GNG2: variants seen among roughly 807,000 people sequenced by gnomAD.
GNG2 encodes the protein G protein subunit gamma 2, also known as guanine nucleotide-binding protein G(I)/G(S)/G(O) subunit gamma-2.
A neutral mutation model predicts 5.5 loss-of-function variants in GNG2; 5 were observed. The ratio of observed to expected loss-of-function variants is 0.91; its 90% confidence interval spans 0.48 to 1.92. The LOEUF is 1.92. GNG2 is among the 30% of genes most tolerant of loss of function. The pLI is 0.01. For synonymous variants in GNG2, 28 were observed against 32.0 expected (o/e 0.88, Z 0.42); for missense variants, 55 against 88.4 (o/e 0.62, Z 1.52).
At chr14:51,904,568 G>C (rs576160319) in intron 2 of GNG2, among the ~76,000 whole-genome samples, 4 of 149,620 alleles carry the variant, frequency 2.7e-5, no homozygotes, top group Non-Finnish European at 5.9e-5. Flanking sequence ...TCTGTGCAGG[G>C]GCCTGGGCTT....
intron 3 of GNG2, among the ~76,000 whole-genome samples, chr14:51,953,769 T>G (rs1051472897): frequency 3.3e-5 from 5 of 152,206 alleles, no homozygotes; most frequent in African/African-American, 1.2e-4. Flanking sequence ...TTATCTGCCT[T>G]TAGAAGTCTT....
chr14:51,864,956 C>T (rs542135673), intron 1 of GNG2, among the ~76,000 whole-genome samples: 50 of 152,146 alleles, frequency 3.3e-4, no homozygotes, highest in Admixed American at 1.0e-3. Context: ...TCCTTTTCCA[C>T]GACAGATTTT....
chr14:51,873,447 A>G (rs1260421310), intron 1 of GNG2, among the ~76,000 whole-genome samples: 1 of 152,258 alleles, frequency 6.6e-6, no homozygotes, highest in Non-Finnish European at 1.5e-5. Context: ...CAATTTGCCT[A>G]CTGCAGGAGA....
chr14:51,893,277 A>G (rs571711986), intron 2 of GNG2, among the ~76,000 whole-genome samples: 1 of 152,340 alleles, frequency 6.6e-6, no homozygotes, highest in Admixed American at 6.5e-5. Flanking sequence ...ATCACTGGAA[A>G]TTACCACTCT....
rs1886453557 is a variant in GNG2 at position 51,914,017 on chromosome 14, T to G, written c.-30+36360T>G. 3.1e-5 allele frequency: 16 copies of G among 512,278 alleles called. No individual in the cohort carries two copies. In the South Asian group the frequency reaches 4.5e-4, roughly 14 times the overall value. The allele number at this position is 512,278 out of a possible 1,614,324, so 31.7% of individuals were successfully genotyped here. ...CTAAAATTTTATCTGTAGGTAAGAA[T>G]TTCCATGTGTGCTTAAAACTGGGAG... On this transcript the variant is annotated intron_variant, in intron 2 of 3. Coordinates refer to ENST00000556766, the MANE Select transcript of GNG2 (RefSeq NM_053064.5).
chr14:51,853,191 T>C (rs2140090062), intron 2 of GNG2, among the ~76,000 whole-genome samples: 3 of 152,350 alleles, frequency 2.0e-5, no homozygotes, highest in Middle Eastern at 6.8e-3. Flanking sequence ...TAATTGTTTA[T>C]ATTCAGTTAA....
At position 51,951,976 on chromosome 14, in the gene GNG2, C is replaced by T. The variant is rs1889003594; in HGVS notation, c.87+1211C>T. 4 of 684,298 alleles carry T rather than the reference C, an allele frequency of 5.8e-6. No homozygotes were observed. In the South Asian group the frequency reaches 6.2e-5, roughly 11 times the overall value. The allele number at this position is 684,298 out of a possible 1,614,324, so 42.4% of individuals were successfully genotyped here. A position where few individuals can be genotyped will look rare whatever the true frequency, so the allele number is the denominator to read the frequency against. On this transcript the variant is annotated intron_variant, in intron 3 of 3. Coordinates refer to ENST00000556766, the MANE Select transcript of GNG2 (RefSeq NM_053064.5). ...GAGAGCTCTATAAAAGGACCAATTA[C>T]CGAACCACACCCAAACCAATTAAAT... is the stretch of plus-strand genomic sequence containing the variant.
At chr14:51,962,630 G>T (rs1233660723) in intron 3 of GNG2, among the ~76,000 whole-genome samples, 4 of 152,140 alleles carry the variant, frequency 2.6e-5, no homozygotes, top group Admixed American at 2.0e-4. Flanking sequence ...ATGAACTGGG[G>T]TAGCTGCAAT....
chr14:51,915,445 A>G (rs891946657), intron 2 of GNG2, among the ~76,000 whole-genome samples: 1 of 152,252 alleles, frequency 6.6e-6, no homozygotes, highest in Non-Finnish European at 1.5e-5. Flanking sequence ...AAATGAATTC[A>G]CAAAAGACAC....
chr14:51,959,342 A>G (rs1444816540), intron 3 of GNG2, among the ~76,000 whole-genome samples: 2 of 152,134 alleles, frequency 1.3e-5, no homozygotes. Flanking sequence ...CTTCACCCCC[A>G]AAAGTCTGTT....
At position 51,852,901 on chromosome 14, in the gene GNG2, T is replaced by A. The variant is rs181233754; in HGVS notation, c.64+25094T>A. On this transcript the variant is annotated intron_variant, in intron 2 of 3. Transcript: ENST00000553432. Reference sequence around the variant, plus strand: ...AGAGCTTTCTACATATAGTGGGACTTCATTATCATCTAAGTCAAGAACAGA... The same window carrying A: ...AGAGCTTTCTACATATAGTGGGACTACATTATCATCTAAGTCAAGAACAGA... 2.3e-3 allele frequency among the ~76,000 whole-genome samples: 345 copies of A among 152,368 alleles called. 2 individuals are homozygous for A. Among genetic ancestry groups the A allele is most frequent in the African/African-American group, 7.9e-3 (329 of 41,588 alleles).
chr14:51,937,335 G>T (rs1448040485), intron 2 of GNG2, among the ~76,000 whole-genome samples: 1 of 152,132 alleles, frequency 6.6e-6, no homozygotes, highest in East Asian at 1.9e-4. Context: ...AATGGAGCAG[G>T]ATGGTAAATC....
intron 3 of GNG2, among the ~76,000 whole-genome samples, chr14:51,963,801 C>T (rs899492659): frequency 2.0e-5 from 3 of 152,078 alleles, no homozygotes; most frequent in African/African-American, 4.8e-5. Flanking sequence ...ATAATTCTTA[C>T]CTCAGGATTA....
chr14:51,882,728 G>A (rs1884171233), intron 2 of GNG2, among the ~76,000 whole-genome samples: 1 of 152,150 alleles, frequency 6.6e-6, no homozygotes, highest in Non-Finnish European at 1.5e-5. Flanking sequence ...GCCTATAGTA[G>A]CAGACTGCAA....
intron 2 of GNG2, among the ~76,000 whole-genome samples, chr14:51,934,357 C>T (rs1481453747): frequency 6.6e-6 from 1 of 152,172 alleles, no homozygotes; most frequent in Non-Finnish European, 1.5e-5. Context: ...TCGAGCTTTT[C>T]TGCATATTCA....
chr14:51,866,850 C>T (rs1035060080), intron 1 of GNG2, among the ~76,000 whole-genome samples: 1 of 152,180 alleles, frequency 6.6e-6, no homozygotes. Flanking sequence ...GAAAGATCTG[C>T]GTCATTCACA....
rs1881195802 is a variant in GNG2, at chr14:51,831,715, G to T, written c.64+3908G>T. The stretch of plus-strand genomic sequence containing the variant: ...AAACAAAACACACTTGATATCACTA[G>T]AGAAGCTCTACTATAACTGAATTAC... On this transcript the variant is annotated intron_variant, in intron 2 of 3. Coordinates refer to the GNG2 transcript ENST00000553432. Among the ~76,000 whole-genome samples the T allele has an allele frequency of 2.0e-5, 3 of 152,168 alleles. No homozygotes were observed. In the South Asian group the frequency reaches 6.2e-4, roughly 32 times the overall value.
At chr14:51,856,450 T>C (rs1477344648), upstream of GNG2, among the ~76,000 whole-genome samples, 1 of 152,234 alleles carries the variant, frequency 6.6e-6, no homozygotes, top group Non-Finnish European at 1.5e-5. Context: ...TTGTTGTTGT[T>C]CGAGACGGAG....
chr14:51,916,096 A>G (rs1180950878), intron 2 of GNG2: 2 of 189,528 alleles, frequency 1.1e-5, no homozygotes, highest in Non-Finnish European at 2.2e-5. Flanking sequence ...AACATACTAC[A>G]TAGAGTAGGC....
Sources: gnomAD v4.1 joint callset for allele counts (sites outside exome capture counted in the v4.1 genomes callset) on GRCh38, gnomAD v4.1.1 for gene constraint, MANE v1.5 for transcripts, NCBI Gene and HGNC (gene_info 2026-07-23, HGNC 2026-07-21) for gene names.